Variants in DOCK9 observed in about 807,000 individuals in gnomAD.
The protein encoded by DOCK9 is dedicator of cytokinesis protein 9.
DOCK9 carries 89 observed loss-of-function variants against 263.3 expected under a neutral mutation model. The observed-to-expected ratio is 0.34, with a 90% CI of 0.28 to 0.40. The LOEUF (loss-of-function observed/expected upper bound fraction) is 0.40. Ranked by LOEUF, DOCK9 falls within the 10% of genes least tolerant of loss-of-function variation. The pLI, the probability that DOCK9 is intolerant of heterozygous loss-of-function variation, is 1.00. For synonymous variants in DOCK9, 976 were observed against 973.1 expected (o/e 1.00, Z -0.06); for missense variants, 2,140 against 2,603.4 (o/e 0.82, Z 3.87).
In DOCK9 at chr13:98,837,596, C is replaced by T. The variant is rs201530896; in HGVS notation, c.4212G>A (p.Ser1404=). The stretch of plus-strand genomic sequence containing the variant: ...ATGACTGGTGCAGAACATCTGCGTC[C>T]GAGTGGCCATAGCCTGCATGAATTA... ...SLTFNHSYGH[S]DADVLHQSLL... The change falls in exon 39 of 53, where the codon TCG becomes TCA. Residue 1404 remains serine (S), a synonymous_variant. Coordinates refer to ENST00000682017, the MANE Select transcript of DOCK9 (RefSeq NM_001366683.2). 1.7e-5 allele frequency: 27 copies of T among 1,612,746 alleles called. No homozygotes were observed. Among genetic ancestry groups the T allele is most frequent in the South Asian group, 1.2e-4 (11 of 90,960 alleles).
intron 15 of DOCK9, among the ~76,000 whole-genome samples, chr13:98,895,732 T>A (rs2047333580): frequency 6.6e-6 from 1 of 152,166 alleles, no homozygotes; most frequent in Admixed American, 6.5e-5. Flanking sequence ...CCTTTTTTCA[T>A]CCTTTTATTC....
At chr13:99,086,685 G>C (rs1299030122), upstream of DOCK9, 1 of 146,738 alleles carries the variant, frequency 6.8e-6, no homozygotes, top group Non-Finnish European at 1.5e-5. Context: ...CCGCCTCCTC[G>C]GGGCGGGGTG....
chr13:98,890,448 C>T (rs1332708438), intron 15 of DOCK9, among the ~76,000 whole-genome samples: 1 of 152,236 alleles, frequency 6.6e-6, no homozygotes, highest in African/African-American at 2.4e-5. Context: ...TCCTCTACTA[C>T]ACAAGCTTAG....
chr13:98,875,964 A>C (rs1566810118), intron 27 of DOCK9, among the ~76,000 whole-genome samples: 1 of 152,236 alleles, frequency 6.6e-6, no homozygotes, highest in African/African-American at 2.4e-5. Context: ...GGAAGTAAGC[A>C]TAACGCTGTG....
intron 43 of DOCK9, among the ~76,000 whole-genome samples, chr13:98,827,490 A>G (rs184105633): frequency 7.8e-4 from 119 of 152,364 alleles, no homozygotes; most frequent in Admixed American, 2.6e-3. Flanking sequence ...AACCCCCTGC[A>G]AGGTTCTAAT....
At chr13:98,980,689 AG>A (rs2141595340), upstream of DOCK9, among the ~76,000 whole-genome samples, 1 of 152,342 alleles carries the variant, frequency 6.6e-6, no homozygotes, top group East Asian at 1.9e-4. Flanking sequence ...TCTTAAACTC[AG>A]GGCTTTTGCT....
chr13:98,950,289 T>C (rs1008081510), intron 2 of DOCK9: 28 of 763,978 alleles, frequency 3.7e-5, no homozygotes, highest in Non-Finnish European at 6.1e-5. Context: ...CATATAGGAA[T>C]GATTCCAGTC....
intron 1 of DOCK9, among the ~76,000 whole-genome samples, chr13:98,961,265 G>T (rs2058609633): frequency 6.6e-6 from 1 of 152,212 alleles, no homozygotes; most frequent in South Asian, 2.1e-4. Context: ...CCCCCACTTA[G>T]CTAGGCAGAT....
At chr13:99,063,913 C>G (rs753670145) in intron 1 of DOCK9, among the ~76,000 whole-genome samples, 1 of 152,090 alleles carries the variant, frequency 6.6e-6, no homozygotes, top group Non-Finnish European at 1.5e-5. Flanking sequence ...GCAGGTTTCA[C>G]GCTGAGGAGC....
At chr13:98,927,575 T>G (rs2053184211) in intron 3 of DOCK9, among the ~76,000 whole-genome samples, 1 of 152,122 alleles carries the variant, frequency 6.6e-6, no homozygotes, top group African/African-American at 2.4e-5. Flanking sequence ...CAGCATAAAT[T>G]TGTATATTAT....
chr13:98,891,318 T>C (rs1251534636), intron 15 of DOCK9, among the ~76,000 whole-genome samples: 2 of 152,198 alleles, frequency 1.3e-5, no homozygotes, highest in African/African-American at 2.4e-5. Flanking sequence ...ACCTCTTCAG[T>C]GGAGGAATTC....
chr13:98,840,340 G>A (rs568078299), intron 38 of DOCK9, among the ~76,000 whole-genome samples: 1 of 152,198 alleles, frequency 6.6e-6, no homozygotes, highest in Non-Finnish European at 1.5e-5. Flanking sequence ...GCACTGATTC[G>A]CTCCAGCCAG....
intron 1 of DOCK9, among the ~76,000 whole-genome samples, chr13:99,067,012 CAGA>C (rs1412127563): frequency 6.6e-6 from 1 of 152,180 alleles, no homozygotes; most frequent in African/African-American, 2.4e-5. Context: ...TTCTACTACC[CAGA>C]AGGCTGACTT....
chr13:99,000,249 T>A (rs919154471), intron 1 of DOCK9, among the ~76,000 whole-genome samples: 1 of 152,168 alleles, frequency 6.6e-6, no homozygotes, highest in Non-Finnish European at 1.5e-5. Flanking sequence ...TGTGTCCTTC[T>A]GAAGATGCAA....
At chr13:99,043,437 C>G (rs1236346587) in intron 1 of DOCK9, among the ~76,000 whole-genome samples, 1 of 152,168 alleles carries the variant, frequency 6.6e-6, no homozygotes, top group African/African-American at 2.4e-5. Flanking sequence ...CCTAGGTAGG[C>G]TCTCTTCTCC....
At chr13:99,006,160 A>C (rs182415612) in intron 1 of DOCK9, among the ~76,000 whole-genome samples, 185 of 152,346 alleles carry the variant, frequency 1.2e-3, no homozygotes, top group Admixed American at 2.7e-3. Flanking sequence ...GATGAAGATA[A>C]CGAAGGATTT....
intron 1 of DOCK9, among the ~76,000 whole-genome samples, chr13:98,962,716 A>G (rs2058779957): frequency 1.3e-5 from 2 of 152,236 alleles, no homozygotes; most frequent in South Asian, 4.1e-4. Context: ...TGACAGGGAC[A>G]TGCACAAAGG....
At chr13:98,938,206 A>G (rs1451925672) in intron 2 of DOCK9, among the ~76,000 whole-genome samples, 1 of 152,254 alleles carries the variant, frequency 6.6e-6, no homozygotes, top group African/African-American at 2.4e-5. Flanking sequence ...TCAAACCACA[A>G]GAAATGTGAA....
At chr13:98,911,307 A>C (rs550096826) in intron 9 of DOCK9, among the ~76,000 whole-genome samples, 1 of 152,234 alleles carries the variant, frequency 6.6e-6, no homozygotes, top group Non-Finnish European at 1.5e-5. Flanking sequence ...ACTCCTGGTA[A>C]GAAATGTTTC....
Sources: allele counts gnomAD v4.1 joint callset (sites outside exome capture counted in the v4.1 genomes callset), GRCh38; gene constraint gnomAD v4.1.1; transcripts MANE v1.5; gene names NCBI Gene and HGNC (gene_info 2026-07-23, HGNC 2026-07-21).